Variants in PHF21B observed in about 807,000 individuals in gnomAD.
PHF21B encodes PHD finger protein 21B, also known as PHD finger protein 4.
PHF21B carries 22 observed loss-of-function variants against 62.2 expected under a neutral mutation model. That is an observed-to-expected ratio of 0.35 (90% confidence interval 0.25 to 0.51). PHF21B has a LOEUF of 0.51. PHF21B is among the 20% of genes least tolerant of loss of function. The pLI is 0.97. For synonymous variants in PHF21B, 341 were observed against 314.7 expected (o/e 1.08, Z -0.88); for missense variants, 701 against 707.9 (o/e 0.99, Z 0.11).
chr22:45,002,014 C>A (rs954302845), intron 2 of PHF21B: 5 of 152,228 alleles, frequency 3.3e-5, no homozygotes, highest in African/African-American at 1.2e-4. Context: ...TAGAATTCTT[C>A]TTTATCTCCT....
At chr22:44,897,026 G>A (rs565319558) in intron 5 of PHF21B, among the ~76,000 whole-genome samples, 18 of 151,762 alleles carry the variant, frequency 1.2e-4, no homozygotes, top group South Asian at 8.3e-4. Flanking sequence ...CCACAGGTGC[G>A]CACCACCGTG....
intron 2 of PHF21B, among the ~76,000 whole-genome samples, chr22:44,983,255 C>T (rs113045130): frequency 0.073 from 10,620 of 145,852 alleles, 424 homozygotes; most frequent in Middle Eastern, 0.14. Context: ...AAAAAAAAGG[C>T]AAAACCGGGG....
At chr22:44,959,597 G>C (rs780688497) in intron 2 of PHF21B, among the ~76,000 whole-genome samples, 3 of 152,174 alleles carry the variant, frequency 2.0e-5, no homozygotes, top group African/African-American at 4.8e-5. Flanking sequence ...GCCAGTGATG[G>C]GGAAGACTGG....
intron 5 of PHF21B, among the ~76,000 whole-genome samples, chr22:44,903,410 C>T (rs1008278227): frequency 2.0e-5 from 3 of 151,678 alleles, no homozygotes; most frequent in Middle Eastern, 3.2e-3. Context: ...CTGCCTCTGA[C>T]GACACTAACA....
intron 2 of PHF21B, among the ~76,000 whole-genome samples, chr22:44,987,666 G>A (rs558912353): frequency 1.3e-5 from 2 of 151,608 alleles, no homozygotes; most frequent in East Asian, 3.9e-4. Flanking sequence ...CATTACATCC[G>A]GACCCCAGCT....
intron 2 of PHF21B, among the ~76,000 whole-genome samples, chr22:44,997,144 C>T (rs183467304): frequency 2.2e-4 from 34 of 152,276 alleles, no homozygotes; most frequent in African/African-American, 7.2e-4. Context: ...CCAGAGAATA[C>T]GCAAAAAGGC....
At chr22:44,900,869 A>G (rs1199151090) in intron 5 of PHF21B, among the ~76,000 whole-genome samples, 1 of 150,488 alleles carries the variant, frequency 6.6e-6, no homozygotes, top group Non-Finnish European at 1.5e-5. Flanking sequence ...GTGTCTCAGC[A>G]TTACACATTT....
chr22:44,913,522 C>T (rs1006493857), intron 5 of PHF21B, among the ~76,000 whole-genome samples: 3 of 152,234 alleles, frequency 2.0e-5, no homozygotes, highest in South Asian at 4.1e-4. Context: ...CAAACAGACG[C>T]GAGCTGCTCA....
chr22:44,896,668 C>G (rs1027529803), intron 5 of PHF21B, among the ~76,000 whole-genome samples: 17 of 152,070 alleles, frequency 1.1e-4, no homozygotes, highest in African/African-American at 4.1e-4. Flanking sequence ...AACTCAAAAC[C>G]TGACACTTGA....
At chr22:44,915,371 CAG>C (rs919161498) in intron 4 of PHF21B, among the ~76,000 whole-genome samples, 2 of 152,188 alleles carry the variant, frequency 1.3e-5, no homozygotes, top group African/African-American at 4.8e-5. Flanking sequence ...ATGAACAAAA[CAG>C]TGTTTAAATG....
chr22:44,970,853 T>G (rs117180115), intron 2 of PHF21B: 1 of 152,204 alleles, frequency 6.6e-6, no homozygotes, highest in East Asian at 1.9e-4. Flanking sequence ...ATCTGCATGC[T>G]GATTACATTC....
At chr22:44,996,813 CAT>C (rs1355998552) in intron 2 of PHF21B, among the ~76,000 whole-genome samples, 5 of 152,130 alleles carry the variant, frequency 3.3e-5, no homozygotes, top group Non-Finnish European at 7.4e-5. Context: ...TGCAGACGCA[CAT>C]AAGCATACAC....
chr22:44,933,925 G>A (rs530772441), intron 2 of PHF21B, among the ~76,000 whole-genome samples: 136 of 152,346 alleles, frequency 8.9e-4, no homozygotes, highest in African/African-American at 2.9e-3. Flanking sequence ...CCATGGACTC[G>A]TGAAGCGTCC....
intron 2 of PHF21B, among the ~76,000 whole-genome samples, chr22:44,967,714 A>G (rs1196154075): frequency 6.6e-6 from 1 of 152,180 alleles, no homozygotes; most frequent in Non-Finnish European, 1.5e-5. Context: ...ACTGAAGTCC[A>G]CACTGTGTTC....
At chr22:44,983,158 C>CA (rs773779507) in intron 2 of PHF21B, among the ~76,000 whole-genome samples, 5 of 151,696 alleles carry the variant, frequency 3.3e-5, no homozygotes, top group Non-Finnish European at 5.9e-5. Flanking sequence ...TGCTTGAACC[C>CA]AGGAGGCGGA....
intron 2 of PHF21B, among the ~76,000 whole-genome samples, chr22:44,942,184 G>A (rs1411434131): frequency 1.3e-5 from 2 of 152,174 alleles, no homozygotes; most frequent in South Asian, 2.1e-4. Flanking sequence ...AGCCAGACTC[G>A]GGACAGGAGC....
intron 2 of PHF21B, among the ~76,000 whole-genome samples, chr22:44,972,215 A>C (rs902154974): frequency 6.6e-6 from 1 of 152,258 alleles, no homozygotes; most frequent in African/African-American, 2.4e-5. Context: ...TACCAGAGAC[A>C]TGACTCAGAT....
At chr22:44,967,491 G>T (rs968090230) in intron 2 of PHF21B, among the ~76,000 whole-genome samples, 1 of 152,146 alleles carries the variant, frequency 6.6e-6, no homozygotes, top group South Asian at 2.1e-4. Flanking sequence ...AAAGTGCTGG[G>T]ATTACAGGCG....
chr22:44,900,738 G>T (rs1407486465), intron 5 of PHF21B, among the ~76,000 whole-genome samples: 1 of 150,724 alleles, frequency 6.6e-6, no homozygotes, highest in African/African-American at 2.4e-5. Context: ...ATGTGGCTGT[G>T]GAAAAGTCAG....
Sources: gnomAD v4.1 joint callset for allele counts (sites outside exome capture counted in the v4.1 genomes callset) on GRCh38, gnomAD v4.1.1 for gene constraint, MANE v1.5 for transcripts, NCBI Gene and HGNC (gene_info 2026-07-23, HGNC 2026-07-21) for gene names.